TMEM131: variants seen among roughly 807,000 people sequenced by gnomAD.
TMEM131 encodes transmembrane protein 131.
TMEM131 carries 66 observed loss-of-function variants against 211.6 expected under a neutral mutation model. The observed-to-expected ratio is 0.31, with a 90% confidence interval of 0.26 to 0.38. The LOEUF (loss-of-function observed/expected upper bound fraction) is 0.38, where lower values mean the gene tolerates loss of function less well. Ranked by LOEUF, TMEM131 falls within the 10% of genes least tolerant of loss-of-function variation. The pLI is 1.00. For missense variants in TMEM131, 2,036 were observed against 2,299.3 expected, an observed-to-expected ratio of 0.89 and a Z score of 2.34; for synonymous variants, 844 against 841.3, an observed-to-expected ratio of 1.00 and a Z score of -0.06.
intron 5 of TMEM131, among the ~76,000 whole-genome samples, chr2:97,856,116 A>G (rs2105162974): frequency 6.6e-6 from 1 of 152,314 alleles, no homozygotes; most frequent in South Asian, 2.1e-4. Flanking sequence ...TACTGTGTGT[A>G]AGGCACCCCA....
In TMEM131 at chr2:97,930,477, T is replaced by C. The variant is rs147567704; in HGVS notation, c.188-2990A>G. Among the ~76,000 whole-genome samples, 191 of 151,898 alleles carry C rather than the reference T, an allele frequency of 1.3e-3. 10 individuals carry two copies. Among genetic ancestry groups the C allele is most frequent in the African/African-American group, 4.5e-3 (185 of 41,212 alleles). On this transcript the variant is annotated intron_variant, in intron 1 of 40. Transcript: ENST00000186436. The stretch of plus-strand genomic sequence containing the variant: ...GTTATGTTAAAAATATGAATGTTAG[T>C]TAAAAAAATTAATAACAGCAGCTGA...
chr2:97,819,867 C>T (rs1461493526), intron 11 of TMEM131, among the ~76,000 whole-genome samples: 1 of 152,190 alleles, frequency 6.6e-6, no homozygotes, highest in Non-Finnish European at 1.5e-5. Flanking sequence ...CTTTTCCGCC[C>T]GTTTATAAAG....
intron 2 of TMEM131, among the ~76,000 whole-genome samples, chr2:97,916,072 C>A (rs1039148685): frequency 6.6e-6 from 1 of 152,138 alleles, no homozygotes; most frequent in African/African-American, 2.4e-5. Context: ...TGCCAGCACG[C>A]CCAGCTAATT....
At chr2:97,944,087 AAAAT>A (rs1000296427) in intron 1 of TMEM131, among the ~76,000 whole-genome samples, 5 of 152,182 alleles carry the variant, frequency 3.3e-5, no homozygotes, top group Non-Finnish European at 7.3e-5. Context: ...ACTAAAAATA[AAAAT>A]AAATAAATAA....
chr2:97,814,301 G>A lies in TMEM131; in HGVS notation c.1380C>T (p.Asn460=), dbSNP rs745579684. Residue 460 remains asparagine, a synonymous_variant, in exon 14 of 41, where the codon AAC becomes AAT. Transcript: ENST00000186436. Reference sequence around the variant, plus strand: ...GAATGAGGATCGCAAAACTGAAAGTGTTAGTAAGGTAAATTGGCCTTTCCA... The same window carrying A: ...GAATGAGGATCGCAAAACTGAAAGTATTAGTAAGGTAAATTGGCCTTTCCA... The part of the protein sequence containing the change: ...DPVERPIYLT[N]TFSFAILIHD... 6 of 1,613,888 alleles carry A rather than the reference G, an allele frequency of 3.7e-6. No individual in the cohort carries two copies. Among genetic ancestry groups the A allele is most frequent in the Non-Finnish European group, 5.1e-6 (6 of 1,179,854 alleles).
In TMEM131 at chr2:97,943,089, GAA is replaced by G. The variant is rs747978896; in HGVS notation, c.188-15604_188-15603del. ...AGAAAGAAAGAAAGAAAGAAAGAAAGAAAGAAAGAAAGAGCTGGGTGTGGTGG... is the reference window on the plus strand; with the variant it reads ...AGAAAGAAAGAAAGAAAGAAAGAAAGAGAAAGAAAGAGCTGGGTGTGGTGG... On this transcript the variant is annotated intron_variant, in intron 1 of 40. Transcript: ENST00000186436. 3.9e-4 allele frequency among the ~76,000 whole-genome samples: 58 copies of G among 147,170 alleles called. 2 individuals are homozygous for G. In the East Asian group the frequency reaches 7.1e-3, roughly 18 times the overall value.
At chr2:97,804,896 T>C (rs933253777) in intron 22 of TMEM131, among the ~76,000 whole-genome samples, 192 bp downstream of exon 22, 4 of 152,152 alleles carry the variant, frequency 2.6e-5, no homozygotes, top group South Asian at 2.1e-4. Flanking sequence ...AAAATGACAG[T>C]ATGTATATTT....
intron 7 of TMEM131, among the ~76,000 whole-genome samples, chr2:97,838,013 A>T (rs1474693512): frequency 6.6e-6 from 1 of 152,186 alleles, no homozygotes; most frequent in Non-Finnish European, 1.5e-5. Flanking sequence ...TCTTTTGCTC[A>T]ATGCAATTAT....
chr2:97,794,118 G>C (rs1485391668), intron 29 of TMEM131, among the ~76,000 whole-genome samples: 1 of 150,884 alleles, frequency 6.6e-6, no homozygotes, highest in Non-Finnish European at 1.5e-5. Flanking sequence ...CCAGGCTGGA[G>C]TGCAATGGGG....
In TMEM131 at chr2:97,932,135, C is replaced by T. The variant is rs534515662; in HGVS notation, c.188-4648G>A. The stretch of plus-strand genomic sequence containing the variant: ...CCAGCTTGGGTGACAGAACAAGACC[C>T]TGTCTTAAAAAAAAAAAAAAAAAAG... On this transcript the variant is annotated intron_variant, in intron 1 of 40. Coordinates refer to ENST00000186436, the MANE Select transcript of TMEM131 (RefSeq NM_015348.2). 1.5e-4 allele frequency among the ~76,000 whole-genome samples: 21 copies of T among 137,064 alleles called. No homozygotes were observed. In the East Asian group the frequency reaches 4.1e-3, roughly 27 times the overall value. The allele number at this position is 137,064 out of a possible 152,430, so 89.9% of individuals were successfully genotyped here.
chr2:97,774,591 G>A (rs895681080), intron 32 of TMEM131, among the ~76,000 whole-genome samples: 69 of 152,308 alleles, frequency 4.5e-4, no homozygotes, highest in African/African-American at 1.5e-3. Context: ...ACACAGGAGG[G>A]AATGAACAGG....
At chr2:97,769,407 G>A (rs1163977285) in intron 33 of TMEM131, among the ~76,000 whole-genome samples, 1 of 151,884 alleles carries the variant, frequency 6.6e-6, no homozygotes, top group Admixed American at 6.6e-5. Flanking sequence ...ACTCAAGCCT[G>A]GCCTATTTTT....
intron 11 of TMEM131, among the ~76,000 whole-genome samples, chr2:97,829,094 C>T (rs893623134): frequency 2.6e-5 from 4 of 152,146 alleles, no homozygotes; most frequent in African/African-American, 9.7e-5. Context: ...CCTTCTTTGC[C>T]CTTATCCAGT....
intron 3 of TMEM131, among the ~76,000 whole-genome samples, chr2:97,898,857 G>A (rs1035533473): frequency 6.6e-6 from 1 of 151,770 alleles, no homozygotes; most frequent in Non-Finnish European, 1.5e-5. Context: ...GATTTTCATT[G>A]TTACTGATTT....
chr2:97,757,419 G>C, intron 40 of TMEM131, 36 bp from the exon 41 acceptor site: 1 of 1,540,290 alleles, frequency 6.5e-7, no homozygotes, highest in Non-Finnish European at 8.8e-7. Context: ...CACTGAGCCC[G>C]GCAGGCAGAG....
intron 12 of TMEM131, among the ~76,000 whole-genome samples, chr2:97,816,575 T>C (rs1456047870): frequency 6.6e-6 from 1 of 152,200 alleles, no homozygotes; most frequent in Non-Finnish European, 1.5e-5. Flanking sequence ...GGAAATGGTA[T>C]GACATCTAGT....
chr2:97,977,011 A>G (rs918842252), intron 1 of TMEM131, among the ~76,000 whole-genome samples: 4 of 151,998 alleles, frequency 2.6e-5, no homozygotes, highest in African/African-American at 9.7e-5. Flanking sequence ...TCATATGTAA[A>G]ATGAACTCAA....
chr2:97,930,973 A>C (rs1677193714), intron 1 of TMEM131, among the ~76,000 whole-genome samples: 1 of 151,830 alleles, frequency 6.6e-6, no homozygotes, highest in South Asian at 2.1e-4. Context: ...AAAGAAATAC[A>C]CACAGAGAGA....
chr2:97,850,082 G>C (rs928604980), intron 5 of TMEM131, among the ~76,000 whole-genome samples: 1 of 151,414 alleles, frequency 6.6e-6, no homozygotes, highest in Non-Finnish European at 1.5e-5. Context: ...GAGAGACATA[G>C]AGAGGACTCT....
Sources: gnomAD v4.1 joint callset for allele counts (sites outside exome capture counted in the v4.1 genomes callset) on GRCh38, gnomAD v4.1.1 for gene constraint, MANE v1.5 for transcripts, NCBI Gene and HGNC (gene_info 2026-07-23, HGNC 2026-07-21) for gene names.